HPS5: variants seen among roughly 807,000 people sequenced by gnomAD.
HPS5 encodes the protein HPS5 biogenesis of lysosomal organelles complex 2 subunit 2.
In HPS5, 83 loss-of-function variants were observed where a neutral mutation model predicts 128.0. The ratio of observed to expected loss-of-function variants is 0.65; its 90% CI spans 0.54 to 0.78. The LOEUF (loss-of-function observed/expected upper bound fraction) is 0.78. Among genes scored for constraint, HPS5 ranks in the 30% least tolerant of loss-of-function variants. The pLI is 0.00. For missense variants in HPS5, 1,281 were observed against 1,326.2 expected, an observed-to-expected ratio of 0.97 and a Z score of 0.53; for synonymous variants, 475 against 470.2, an observed-to-expected ratio of 1.01 and a Z score of -0.13.
intron 1 of HPS5, among the ~76,000 whole-genome samples, chr11:18,319,292 CACAT>C (rs1427393041): frequency 1.7e-5 from 2 of 117,640 alleles, no homozygotes; most frequent in Admixed American, 9.8e-5. Context: ...CACACACACA[CACAT>C]CTTATAAGGG....
rs202190047 is a variant in HPS5, at chr11:18,287,656, A to G, written c.2596T>C (p.Ser866Pro). The G allele has an allele frequency of 1.2e-6, 2 of 1,614,200 alleles. No homozygotes were observed. Among genetic ancestry groups the G allele is most frequent in the South Asian group, 1.1e-5 (1 of 91,088 alleles). Residue 866 changes from serine to proline, a missense_variant, in exon 18 of 23, where the codon TCC (serine) becomes CCC (proline). Physicochemically the swap from Ser to Pro is moderately conservative, Grantham distance 74 (BLOSUM62 -1). Transcript: ENST00000349215. ...YEKFGESALRSLIKFFPSILP... is the reference protein window; with the variant it reads ...YEKFGESALRPLIKFFPSILP... ...ATGGATGGAAAGAACTTGATTAAGG[A>G]TCGAAGAGCAGACTCCCCAAACTTT...
chr11:18,284,994 ATCTC>A (rs754779674), intron 20 of HPS5, among the ~76,000 whole-genome samples: 131 of 152,220 alleles, frequency 8.6e-4, no homozygotes, highest in Non-Finnish European at 1.6e-3. Context: ...GCCCATTTTG[ATCTC>A]TCTCTTACTG....
chr11:18,297,096 T>C, intron 11 of HPS5, 112 bp from the exon 12 acceptor site: 1 of 764,606 alleles, frequency 1.3e-6, no homozygotes, highest in South Asian at 1.6e-5. Context: ...ATAACAACCA[T>C]TATGGCTTAT....
rs767797045 is a variant in HPS5, at chr11:18,282,036, C to A, written c.3243G>T (p.Leu1081=). 2.5e-6 allele frequency: 4 copies of A among 1,614,220 alleles called. No individual in the cohort carries two copies. The Admixed American group carries it at 6.7e-5, about 27-fold the overall frequency. Residue 1081 remains leucine (L), a synonymous_variant, in exon 22 of 23, where the codon CTG becomes CTT. Transcript: ENST00000349215. ...CAAGGGCCAGACCACATTCCTGTAG[C>A]AGTGACCAAGCCCGATCTGGGCCCA... ...KAMGPDRAWS[L]LQECGLALEL...
chr11:18,310,081 A>G (rs7113249), intron 5 of HPS5, among the ~76,000 whole-genome samples: 21,210 of 152,224 alleles, frequency 0.14, 1,581 homozygotes, highest in African/African-American at 0.19. Context: ...AAATAAGCCA[A>G]TGCAAGACAA....
At chr11:18,283,474 A>G (rs981756127) in intron 21 of HPS5, among the ~76,000 whole-genome samples, 4 of 152,030 alleles carry the variant, frequency 2.6e-5, no homozygotes, top group African/African-American at 9.7e-5. Context: ...GGAAAGTGGA[A>G]ATAATAGTAA....
chr11:18,312,631 C>A (rs1179676033), intron 2 of HPS5, among the ~76,000 whole-genome samples: 2 of 152,130 alleles, frequency 1.3e-5, no homozygotes, highest in Non-Finnish European at 2.9e-5. Context: ...CCCTAGTTGC[C>A]AAGGGTTGTC....
chr11:18,298,048 C>G lies in HPS5; in HGVS notation c.1165-331G>C, dbSNP rs193043185. On this transcript the variant is annotated intron_variant, in intron 10 of 22. Transcript: ENST00000349215. Reference sequence around the variant, plus strand: ...TGAGCTGAGATCACGCCATTGCACTCCACTCCAGCCTGGGGGACAAGAGTG... The same window carrying G: ...TGAGCTGAGATCACGCCATTGCACTGCACTCCAGCCTGGGGGACAAGAGTG... Among the ~76,000 whole-genome samples the G allele has an allele frequency of 3.3e-5, 5 of 151,046 alleles. No homozygotes were observed. The East Asian group carries it at 9.7e-4, about 29-fold the overall frequency.
At chr11:18,280,641 G>T in intron 22 of HPS5, 1 of 687,202 alleles carries the variant, frequency 1.5e-6, no homozygotes, top group Non-Finnish European at 2.6e-6. Flanking sequence ...CAATTCAAGT[G>T]TCTGTCAACA....
chr11:18,300,998 G>T lies in HPS5; in HGVS notation c.897-82C>A, dbSNP rs80237195. The T allele has an allele frequency of 0.047, 38,114 of 803,316 alleles. 2,228 individuals are homozygous for T. Among genetic ancestry groups the T allele is most frequent in the East Asian group, 0.24 (9,396 of 39,206 alleles). The allele number at this position is 803,316 out of a possible 1,614,324, so 49.8% of individuals were successfully genotyped here. A position where few individuals can be genotyped will look rare whatever the true frequency, so the allele number is the denominator to read the frequency against. ...TCCCCGAATTCAGATCCTTGCATTA[G>T]CTATTAAAGTAAAATCAAACTGTAC... On this transcript the variant is annotated intron_variant, in intron 8 of 22. Coordinates refer to ENST00000349215, the MANE Select transcript of HPS5 (RefSeq NM_181507.2).
intron 5 of HPS5, 51 bp downstream of exon 5, chr11:18,310,690 G>T: frequency 7.2e-7 from 1 of 1,385,812 alleles, no homozygotes; most frequent in South Asian, 1.2e-5. Flanking sequence ...AGTTTTATAA[G>T]ACAACACCTT....
chr11:18,314,366 T>G (rs1863363974), intron 2 of HPS5: 1 of 152,126 alleles, frequency 6.6e-6, no homozygotes, highest in African/African-American at 2.4e-5. Flanking sequence ...CCGTCTCCAC[T>G]AAAAATTCAA....
chr11:18,286,701 A>G lies in HPS5; in HGVS notation c.2727T>C (p.Phe909=). Residue 909 remains phenylalanine, a synonymous_variant, in exon 19 of 23, where the codon TTT becomes TTC. Transcript: ENST00000349215. Reference sequence around the variant, plus strand: ...ACTCTGGTTGCAGAAGGGACTCAAGAAAAGATGACCTAAGAGAAAGTTGGG... The same window carrying G: ...ACTCTGGTTGCAGAAGGGACTCAAGGAAAGATGACCTAAGAGAAAGTTGGG... ...KSRPEDQRSS[F]LESLLQPESL... 1 of 1,614,094 alleles carries G rather than the reference A, an allele frequency of 6.2e-7. No homozygotes were observed. Among genetic ancestry groups the G allele is most frequent in the Non-Finnish European group, 8.5e-7 (1 of 1,179,980 alleles).
rs968904974 is a variant in HPS5 at position 18,287,451 on chromosome 11, T to G, written c.2717+84A>C. On this transcript the variant is annotated intron_variant, in intron 18 of 22. Coordinates refer to ENST00000349215, the MANE Select transcript of HPS5 (RefSeq NM_181507.2). The stretch of plus-strand genomic sequence containing the variant: ...GCCTCAACCCCTTGGTAATTAACAG[T>G]ACACAATGTGACACCTGCTTATAAA... 2.0e-6 allele frequency: 3 copies of G among 1,464,774 alleles called. No homozygotes were observed. The African/African-American group carries it at 4.2e-5, about 20-fold the overall frequency. The allele number at this position is 1,464,774 out of a possible 1,614,324, so 90.7% of individuals were successfully genotyped here.
At position 18,298,534 on chromosome 11, in the gene HPS5, C is replaced by T. The variant is rs900898809; in HGVS notation, c.1164+258G>A. Reference sequence around the variant, plus strand: ...TAATTTAATTAAAATTTACCATATACGCAATTATCCCCCTTAAAAACAAGT... The same window carrying T: ...TAATTTAATTAAAATTTACCATATATGCAATTATCCCCCTTAAAAACAAGT... On this transcript the variant is annotated intron_variant, in intron 10 of 22. Transcript: ENST00000349215. 2.6e-5 allele frequency among the ~76,000 whole-genome samples: 4 copies of T among 152,142 alleles called. No homozygotes were observed. In the South Asian group the frequency reaches 6.2e-4, roughly 24 times the overall value.
chr11:18,305,384 C>A (rs1862226997), intron 8 of HPS5, 38 bp downstream of exon 8: 1 of 1,344,016 alleles, frequency 7.4e-7, no homozygotes, highest in Non-Finnish European at 1.1e-6. Flanking sequence ...TCTAAGTATT[C>A]TTTTTCCCCC....
intron 9 of HPS5, 51 bp from the exon 10 acceptor site, chr11:18,299,021 A>G (rs779097216): frequency 1.7e-5 from 26 of 1,535,086 alleles, no homozygotes. Context: ...AATACCCCTT[A>G]CAATTTTAAA....
intron 3 of HPS5, 182 bp from the exon 4 acceptor site, chr11:18,311,633 C>G (rs1041006240): frequency 1.8e-6 from 1 of 549,566 alleles, no homozygotes; most frequent in African/African-American, 1.9e-5. Flanking sequence ...GCCTCCGCCT[C>G]CCAAGTAGCT....
intron 22 of HPS5, chr11:18,280,670 A>C (rs1858781090): frequency 1.5e-6 from 1 of 670,438 alleles, no homozygotes; most frequent in Non-Finnish European, 2.7e-6. Flanking sequence ...GATAAACAAA[A>C]GGTGGCATAT....
Sources: gnomAD v4.1 joint callset for allele counts (sites outside exome capture counted in the v4.1 genomes callset) on GRCh38, gnomAD v4.1.1 for gene constraint, MANE v1.5 for transcripts, NCBI Gene and HGNC (gene_info 2026-07-23, HGNC 2026-07-21) for gene names.